STXBP5: variants seen among roughly 807,000 people sequenced by gnomAD.
The protein encoded by STXBP5 is syntaxin-binding protein 5.
Under a neutral mutation model 152.4 loss-of-function variants are expected in STXBP5, and 50 were observed. That is an observed-to-expected ratio of 0.33 (90% CI 0.26 to 0.42). The LOEUF (loss-of-function observed/expected upper bound fraction) is 0.42. Among genes scored for constraint, STXBP5 ranks in the 10% least tolerant of loss-of-function variants. The pLI, the probability that STXBP5 is intolerant of heterozygous loss-of-function variation, is 1.00. For missense variants in STXBP5, 1,167 were observed against 1,388.6 expected, an observed-to-expected ratio of 0.84 and a Z score of 2.54; for synonymous variants, 492 against 494.7, an observed-to-expected ratio of 0.99 and a Z score of 0.07.
intron 4 of STXBP5, among the ~76,000 whole-genome samples, chr6:147,249,876 C>T (rs1043890483): frequency 6.6e-6 from 1 of 152,120 alleles, no homozygotes; most frequent in Non-Finnish European, 1.5e-5. Context: ...TTCAAGAAAC[C>T]AGAGCATCTA....
At chr6:147,300,864 G>A (rs1781774623) in intron 9 of STXBP5, among the ~76,000 whole-genome samples, 1 of 151,832 alleles carries the variant, frequency 6.6e-6, no homozygotes, top group Non-Finnish European at 1.5e-5. Flanking sequence ...CAAGTGAAGA[G>A]ACAGTCTACA....
chr6:147,347,830 A>G (rs1784406992), intron 21 of STXBP5, among the ~76,000 whole-genome samples: 1 of 152,214 alleles, frequency 6.6e-6, no homozygotes, highest in South Asian at 2.1e-4. Context: ...GCAAATGTTT[A>G]TTGTATTTAA....
At chr6:147,239,086 A>T in intron 3 of STXBP5, 84 bp from the exon 4 acceptor site, 1 of 1,213,546 alleles carries the variant, frequency 8.2e-7, no homozygotes, top group Admixed American at 2.4e-5. Context: ...AAATTTGGGA[A>T]GGAGATATTT....
chr6:147,262,976 G>A (rs1173154766), intron 6 of STXBP5, among the ~76,000 whole-genome samples: 2 of 151,810 alleles, frequency 1.3e-5, no homozygotes, highest in Admixed American at 6.6e-5. Flanking sequence ...TAATAATGAT[G>A]TTTTTCTACC....
intron 26 of STXBP5, among the ~76,000 whole-genome samples, chr6:147,382,114 T>C (rs781513999): frequency 2.6e-5 from 4 of 152,158 alleles, no homozygotes; most frequent in African/African-American, 4.8e-5. Flanking sequence ...TTAAAGAATT[T>C]AAGACTTTTG....
intron 4 of STXBP5, among the ~76,000 whole-genome samples, chr6:147,252,480 G>A (rs1037534932): frequency 1.3e-5 from 2 of 151,894 alleles, no homozygotes; most frequent in African/African-American, 4.8e-5. Flanking sequence ...AAGGATATCA[G>A]GGATTGAAGA....
intron 2 of STXBP5, among the ~76,000 whole-genome samples, chr6:147,230,169 T>C (rs953656799): frequency 4.6e-5 from 7 of 151,928 alleles, no homozygotes; most frequent in African/African-American, 1.7e-4. Flanking sequence ...CGTATACTTT[T>C]TAAAGATGAT....
At chr6:147,355,741 C>G (rs1320320747) in intron 22 of STXBP5, among the ~76,000 whole-genome samples, 3 of 152,012 alleles carry the variant, frequency 2.0e-5, no homozygotes. Flanking sequence ...TATGTAGATT[C>G]AATAAAATGA....
intron 3 of STXBP5, among the ~76,000 whole-genome samples, chr6:147,235,859 T>G (rs1778244355): frequency 6.6e-6 from 1 of 152,150 alleles, no homozygotes; most frequent in African/African-American, 2.4e-5. Flanking sequence ...TTTATCGGCA[T>G]AGGAAACACT....
intron 4 of STXBP5, among the ~76,000 whole-genome samples, chr6:147,241,618 A>G (rs1009741477): frequency 2.6e-5 from 4 of 152,188 alleles, no homozygotes; most frequent in South Asian, 4.1e-4. Context: ...TAGATTAGGG[A>G]TGTTATAGCT....
chr6:147,263,013 G>C (rs1476409397), intron 6 of STXBP5, among the ~76,000 whole-genome samples: 1 of 151,858 alleles, frequency 6.6e-6, no homozygotes, highest in Non-Finnish European at 1.5e-5. Context: ...CTTAAGCTAA[G>C]TAAATACCAG....
chr6:147,298,887 C>G (rs1194846038), intron 9 of STXBP5, among the ~76,000 whole-genome samples: 3 of 151,848 alleles, frequency 2.0e-5, no homozygotes, highest in African/African-American at 7.2e-5. Flanking sequence ...ACAATAATCT[C>G]AAATAGACAA....
chr6:147,225,595 T>C (rs893733600), intron 2 of STXBP5, among the ~76,000 whole-genome samples: 3 of 152,238 alleles, frequency 2.0e-5, no homozygotes, highest in Non-Finnish European at 2.9e-5. Flanking sequence ...GTTTTGATAC[T>C]GTCTCATTCT....
chr6:147,204,767 G>A lies in STXBP5; in HGVS notation c.150+85G>A. On this transcript the variant is annotated intron_variant, in intron 1 of 27. Transcript: ENST00000321680. This position sits in a 1 kb window ranked among gnomAD's most constrained non-coding sequence, Gnocchi z 4.3. Reference sequence around the variant, plus strand: ...GGCTACTCGGGCTTTACATGGGAATGCAAGGGAAGAGAACGCCAATAATAA... The same window carrying A: ...GGCTACTCGGGCTTTACATGGGAATACAAGGGAAGAGAACGCCAATAATAA... 1 of 1,343,758 alleles carries A rather than the reference G, an allele frequency of 7.4e-7. No individual in the cohort carries two copies. The highest frequency in any genetic ancestry group is 2.8e-5 in the East Asian group (1 of 35,758). 83.2% of individuals were successfully genotyped at this position (1,343,758 alleles called of 1,614,324 possible). A position where few individuals can be genotyped will look rare whatever the true frequency, so the allele number is the denominator to read the frequency against.
intron 3 of STXBP5, 119 bp downstream of exon 3, chr6:147,235,450 A>G (rs1037747823): frequency 4.1e-6 from 3 of 736,504 alleles, no homozygotes; most frequent in Non-Finnish European, 6.6e-6. Context: ...TTAATTTATA[A>G]TGGATCAGAA....
chr6:147,261,904 T>C (rs1036350831), intron 5 of STXBP5, among the ~76,000 whole-genome samples: 1 of 151,994 alleles, frequency 6.6e-6, no homozygotes, highest in Non-Finnish European at 1.5e-5. Context: ...TCTATTTCTA[T>C]TGAAACTAAA....
chr6:147,348,824 T>C (rs1208054265), intron 21 of STXBP5, among the ~76,000 whole-genome samples: 1 of 152,204 alleles, frequency 6.6e-6, no homozygotes, highest in African/African-American at 2.4e-5. Flanking sequence ...CATTAAAATA[T>C]ACTGACAGTT....
intron 16 of STXBP5, among the ~76,000 whole-genome samples, chr6:147,318,227 G>A (rs978998429): frequency 6.6e-6 from 1 of 152,166 alleles, no homozygotes; most frequent in East Asian, 1.9e-4. Context: ...GTACTGACAG[G>A]AGAAGCAGTA....
chr6:147,379,034 A>AT lies in STXBP5; in HGVS notation c.3194-3742dup, dbSNP rs148208108. ...TCCGCATTCCTTGGTTTCTGGTCCC[A>AT]TTGTCAGTATTCAAGGCCAACAACC... On this transcript the variant is annotated intron_variant, in intron 26 of 27. Transcript: ENST00000321680. 8.3e-3 allele frequency among the ~76,000 whole-genome samples: 1,260 copies of AT among 151,696 alleles called. 14 individuals are homozygous for AT. Among genetic ancestry groups the AT allele is most frequent in the African/African-American group, 0.027 (1,129 of 41,320 alleles).
Sources: allele counts gnomAD v4.1 joint callset (sites outside exome capture counted in the v4.1 genomes callset), GRCh38; gene constraint gnomAD v4.1.1; non-coding constraint Gnocchi (gnomAD v3.1); transcripts MANE v1.5; gene names NCBI Gene and HGNC (gene_info 2026-07-23, HGNC 2026-07-21).